ARAP2: variants seen among roughly 807,000 people sequenced by gnomAD.
The protein encoded by ARAP2 is arf-GAP with Rho-GAP domain, ANK repeat and PH domain-containing protein 2.
In ARAP2, 148 loss-of-function variants were observed where a neutral mutation model predicts 194.5. The observed-to-expected ratio is 0.76, with a 90% CI of 0.67 to 0.87. The LOEUF (loss-of-function observed/expected upper bound fraction) is 0.87, where lower values mean the gene tolerates loss of function less well. Among genes scored for constraint, ARAP2 ranks in the 40% least tolerant of loss-of-function variants. The pLI is 0.00. For missense variants in ARAP2, 2,128 were observed against 1,989.7 expected (o/e 1.07, Z -1.32); for synonymous variants, 695 against 683.5 (o/e 1.02, Z -0.26).
At chr4:36,164,872 T>A in intron 11 of ARAP2, 42 bp downstream of exon 11, 1 of 1,590,506 alleles carries the variant, frequency 6.3e-7, no homozygotes. Context: ...TCAATGCCAA[T>A]CTGCCACAAA....
At chr4:36,199,206 T>C (rs911576200) in intron 6 of ARAP2, among the ~76,000 whole-genome samples, 1 of 152,244 alleles carries the variant, frequency 6.6e-6, no homozygotes, top group African/African-American at 2.4e-5. Context: ...ACTACCTTGT[T>C]ATTAAAAAAT....
intron 30 of ARAP2, among the ~76,000 whole-genome samples, chr4:36,080,953 A>G (rs139128759): frequency 5.1e-4 from 77 of 152,256 alleles, no homozygotes; most frequent in African/African-American, 1.6e-3. Context: ...GGATGAGGAG[A>G]GGGTTGTTCT....
At chr4:36,150,637 T>A (rs1339698540) in intron 16 of ARAP2, among the ~76,000 whole-genome samples, 2 of 150,866 alleles carry the variant, frequency 1.3e-5, no homozygotes, top group South Asian at 2.1e-4. Flanking sequence ...CGAGACTCCA[T>A]CTCAAAAAAA....
At chr4:36,142,312 T>C (rs889743854) in intron 19 of ARAP2, among the ~76,000 whole-genome samples, 3 of 151,652 alleles carry the variant, frequency 2.0e-5, no homozygotes, top group African/African-American at 7.3e-5. Flanking sequence ...ATCTCTCCCA[T>C]TTTCTGTTTC....
Position 36,128,737 on chromosome 4 carries a change from A to T in ARAP2, c.3436T>A (p.Cys1146Ser). ...CCATTCTTTTGATAGATATATTTGC[A>T]TCCTAAACCTTTGTTTAAAAAAAAA... ...IAFVTQYGLG[C>S]KYIYQKNGDP... Residue 1146 changes from cysteine (C) to serine (S), a missense_variant, in exon 21 of 33, where the codon TGC (cysteine) becomes AGC (serine). Transcript: ENST00000303965. 1 of 1,554,412 alleles carries T rather than the reference A, an allele frequency of 6.4e-7. No homozygotes were observed. Among genetic ancestry groups the T allele is most frequent in the Non-Finnish European group, 8.6e-7 (1 of 1,159,314 alleles).
At chr4:36,124,766 C>A (rs1481033812) in intron 22 of ARAP2, 96 bp downstream of exon 22, 16 of 719,218 alleles carry the variant, frequency 2.2e-5, no homozygotes, top group Non-Finnish European at 3.4e-5. Flanking sequence ...AAGGTGAGTT[C>A]TTATGATACG....
chr4:36,166,214 AACAATTGCCTCTG>A lies in ARAP2; in HGVS notation c.1973+705_1973+717del, dbSNP rs532030655. Reference sequence around the variant, plus strand: ...AATTGTTAGTCCTTTAAAGGCCTAGAACAATTGCCTCTGACTTGCCCACTACCACGTGATGTTG... The same window carrying A: ...AATTGTTAGTCCTTTAAAGGCCTAGAACTTGCCCACTACCACGTGATGTTG... On this transcript the variant is annotated intron_variant, in intron 10 of 32. Coordinates refer to ENST00000303965, the MANE Select transcript of ARAP2 (RefSeq NM_015230.4). Among the ~76,000 whole-genome samples the A allele has an allele frequency of 3.9e-5, 6 of 152,250 alleles. No homozygotes were observed. The South Asian group carries it at 1.2e-3, about 32-fold the overall frequency.
intron 8 of ARAP2, among the ~76,000 whole-genome samples, chr4:36,187,014 C>T (rs1210118259): frequency 6.6e-6 from 1 of 152,208 alleles, no homozygotes; most frequent in Non-Finnish European, 1.5e-5. Context: ...AATTGTCTTC[C>T]ACGAAACCAG....
At chr4:36,084,596 C>T (rs1730387296) in intron 28 of ARAP2, among the ~76,000 whole-genome samples, 1 of 152,020 alleles carries the variant, frequency 6.6e-6, no homozygotes, top group African/African-American at 2.4e-5. Flanking sequence ...TTTACAGTTG[C>T]CCTAGAGCAA....
At chr4:36,117,265 C>G in intron 24 of ARAP2, 130 bp from the exon 25 acceptor site, 1 of 595,778 alleles carries the variant, frequency 1.7e-6, no homozygotes, top group Non-Finnish European at 2.7e-6. Flanking sequence ...AGCTCAATTC[C>G]CCTGCTCACA....
intron 10 of ARAP2, 137 bp downstream of exon 10, chr4:36,166,795 C>T: frequency 2.3e-6 from 1 of 425,860 alleles, no homozygotes; most frequent in Non-Finnish European, 4.1e-6. Context: ...TAGTGGCTAA[C>T]AAATTAGACA....
At chr4:36,124,838 A>T (rs1723499920) in intron 22 of ARAP2, 24 bp downstream of exon 22, 1 of 1,460,434 alleles carries the variant, frequency 6.8e-7, no homozygotes, top group Non-Finnish European at 9.5e-7. Context: ...TGAAATGTCG[A>T]GAAAAGTTCA....
At chr4:36,089,808 C>T (rs2109377988) in intron 28 of ARAP2, among the ~76,000 whole-genome samples, 1 of 152,118 alleles carries the variant, frequency 6.6e-6, no homozygotes, top group South Asian at 2.1e-4. Context: ...TTTAGAAGAG[C>T]TCTTTATACT....
At chr4:36,191,186 A>T (rs1370087871) in intron 7 of ARAP2, among the ~76,000 whole-genome samples, 1 of 152,226 alleles carries the variant, frequency 6.6e-6, no homozygotes, top group African/African-American at 2.4e-5. Flanking sequence ...AGAGGAACTT[A>T]TAACAACATC....
chr4:36,093,561 G>A (rs1373697392), intron 27 of ARAP2, among the ~76,000 whole-genome samples: 1 of 152,016 alleles, frequency 6.6e-6, no homozygotes, highest in East Asian at 1.9e-4. Context: ...TAATACTAAG[G>A]CTTAGAAAGG....
chr4:36,120,296 C>T (rs1399480420), intron 23 of ARAP2, among the ~76,000 whole-genome samples: 2 of 151,560 alleles, frequency 1.3e-5, no homozygotes, highest in Non-Finnish European at 3.0e-5. Context: ...GAAAATCCCA[C>T]AATCTGGTGT....
chr4:36,145,786 C>T (rs1441082513), intron 19 of ARAP2, among the ~76,000 whole-genome samples: 1 of 151,934 alleles, frequency 6.6e-6, no homozygotes, highest in Non-Finnish European at 1.5e-5. Context: ...TAGACCTTTA[C>T]ATATTGGGGG....
chr4:36,138,558 A>G (rs1407661015), intron 19 of ARAP2, among the ~76,000 whole-genome samples: 1 of 151,706 alleles, frequency 6.6e-6, no homozygotes, highest in Non-Finnish European at 1.5e-5. Flanking sequence ...CTTTATAATG[A>G]TAATCAGTAC....
intron 9 of ARAP2, among the ~76,000 whole-genome samples, chr4:36,168,774 T>C (rs1735890565): frequency 6.6e-6 from 1 of 152,168 alleles, no homozygotes; most frequent in Non-Finnish European, 1.5e-5. Flanking sequence ...AAAGAAAAGA[T>C]GCAGAGAAAT....
Sources: allele counts gnomAD v4.1 joint callset (sites outside exome capture counted in the v4.1 genomes callset), GRCh38; gene constraint gnomAD v4.1.1; transcripts MANE v1.5; gene names NCBI Gene and HGNC (gene_info 2026-07-23, HGNC 2026-07-21).